Variants in RGS21 observed in about 807,000 individuals in gnomAD.
The protein encoded by RGS21 is regulator of G-protein signalling 21.
A neutral mutation model predicts 18.7 loss-of-function variants in RGS21; 19 were observed. The observed-to-expected ratio is 1.01, with a 90% CI of 0.71 to 1.49. The LOEUF is 1.49. Ranked by LOEUF, RGS21 falls within the 40% of genes most tolerant of loss-of-function variation. The pLI is 0.00. For synonymous variants in RGS21, 56 were observed against 57.8 expected, an observed-to-expected ratio of 0.97 and a Z score of 0.14; for missense variants, 194 against 176.8, an observed-to-expected ratio of 1.10 and a Z score of -0.55.
At chr1:192,341,293 A>G (rs1010799930) in intron 1 of RGS21, among the ~76,000 whole-genome samples, 5 of 151,950 alleles carry the variant, frequency 3.3e-5, no homozygotes, top group Admixed American at 1.3e-4. Flanking sequence ...AAAGTAATAT[A>G]TTTACATGTT....
intron 4 of RGS21, among the ~76,000 whole-genome samples, chr1:192,364,265 G>A (rs1194480013): frequency 6.6e-6 from 1 of 152,020 alleles, no homozygotes; most frequent in Non-Finnish European, 1.5e-5. Flanking sequence ...ACTTTGATGA[G>A]GGACTCAAGA....
At chr1:192,322,792 AG>A (rs1557973013) in intron 1 of RGS21, among the ~76,000 whole-genome samples, 1 of 152,114 alleles carries the variant, frequency 6.6e-6, no homozygotes, top group Non-Finnish European at 1.5e-5. Flanking sequence ...AACTGCAAAA[AG>A]TTTACTCTGT....
At chr1:192,329,307 C>A (rs1002664001) in intron 1 of RGS21, among the ~76,000 whole-genome samples, 10 of 152,034 alleles carry the variant, frequency 6.6e-5, no homozygotes, top group Non-Finnish European at 1.3e-4. Flanking sequence ...ATGTCAGCTT[C>A]ATTATGAGCA....
At chr1:192,347,905 C>A (rs1557979254) in intron 3 of RGS21, among the ~76,000 whole-genome samples, 1 of 151,984 alleles carries the variant, frequency 6.6e-6, no homozygotes, top group Non-Finnish European at 1.5e-5. Flanking sequence ...GGTGATCCAC[C>A]CACCTCAGCA....
At chr1:192,339,942 CAT>C (rs1468035495) in intron 1 of RGS21, among the ~76,000 whole-genome samples, 6 of 151,836 alleles carry the variant, frequency 4.0e-5, no homozygotes, top group Non-Finnish European at 7.4e-5. Context: ...ACAAATAAAA[CAT>C]ATATTTATAT....
chr1:192,365,337 T>C (rs1659239429), intron 4 of RGS21, among the ~76,000 whole-genome samples: 1 of 152,104 alleles, frequency 6.6e-6, no homozygotes, highest in Non-Finnish European at 1.5e-5. Context: ...TAGAACTCGC[T>C]GGAAATGCCT....
At chr1:192,323,508 G>A (rs1571447495) in intron 1 of RGS21, among the ~76,000 whole-genome samples, 1 of 152,042 alleles carries the variant, frequency 6.6e-6, no homozygotes, top group Non-Finnish European at 1.5e-5. Context: ...GAAGAAAATA[G>A]ATAATGGCAA....
intron 4 of RGS21, among the ~76,000 whole-genome samples, chr1:192,356,144 C>T (rs1375407414): frequency 1.3e-5 from 2 of 151,892 alleles, no homozygotes; most frequent in South Asian, 2.1e-4. Flanking sequence ...TACATCTTCA[C>T]GGGTCCGTGC....
intron 4 of RGS21, among the ~76,000 whole-genome samples, chr1:192,357,665 T>A (rs1659129778): frequency 1.3e-5 from 2 of 151,808 alleles, no homozygotes; most frequent in African/African-American, 4.8e-5. Flanking sequence ...TTTCTTCCCC[T>A]AGATCTACCA....
At chr1:192,333,960 C>T (rs1463299873) in intron 1 of RGS21, among the ~76,000 whole-genome samples, 1 of 151,696 alleles carries the variant, frequency 6.6e-6, no homozygotes, top group African/African-American at 2.4e-5. Flanking sequence ...ATAATTATGT[C>T]AAAATAAAAA....
chr1:192,361,686 C>T (rs1440842639), intron 4 of RGS21, among the ~76,000 whole-genome samples: 50 of 152,014 alleles, frequency 3.3e-4, no homozygotes, highest in Admixed American at 3.3e-3. Flanking sequence ...GCTGGGATTA[C>T]AGATACCCAC....
intron 4 of RGS21, among the ~76,000 whole-genome samples, chr1:192,362,800 G>T (rs1380179535): frequency 6.6e-6 from 1 of 152,080 alleles, no homozygotes; most frequent in African/African-American, 2.4e-5. Flanking sequence ...AAATTGAAGA[G>T]TTCTCTCTAA....
intron 4 of RGS21, among the ~76,000 whole-genome samples, chr1:192,359,549 G>A (rs1342969615): frequency 6.6e-6 from 1 of 151,582 alleles, no homozygotes; most frequent in East Asian, 1.9e-4. Context: ...TGAGAGGAGT[G>A]CCAAGTTGGG....
rs558132371 is a variant in RGS21, at chr1:192,352,308, C to A, written c.255+95C>A. ...AATCCATCTAAAAGATAATCAAATT[C>A]TCAGTATGTGTTTAAATAGAAAATG... On this transcript the variant is annotated intron_variant, in intron 4 of 4. Coordinates refer to ENST00000417209, the MANE Select transcript of RGS21 (RefSeq NM_001039152.3). The A allele has an allele frequency of 1.2e-5, 10 of 837,442 alleles. No individual in the cohort carries two copies. In the African/African-American group the frequency reaches 1.4e-4, roughly 12 times the overall value. The allele number at this position is 837,442 out of a possible 1,614,324, so 51.9% of individuals were successfully genotyped here. A position where few individuals can be genotyped will look rare whatever the true frequency, so the allele number is the denominator to read the frequency against.
At chr1:192,364,872 C>A (rs1349053494) in intron 4 of RGS21, among the ~76,000 whole-genome samples, 1 of 151,892 alleles carries the variant, frequency 6.6e-6, no homozygotes, top group Non-Finnish European at 1.5e-5. Context: ...GTGGCTCATC[C>A]CTATAATCCC....
At chr1:192,359,324 T>C (rs551429181) in intron 4 of RGS21, among the ~76,000 whole-genome samples, 1 of 152,138 alleles carries the variant, frequency 6.6e-6, no homozygotes, top group Admixed American at 6.6e-5. Context: ...AGTTCATAGT[T>C]GGAGATGCTC....
chr1:192,327,027 C>G (rs986080747), intron 1 of RGS21, among the ~76,000 whole-genome samples: 4 of 151,990 alleles, frequency 2.6e-5, no homozygotes, highest in Non-Finnish European at 5.9e-5. Flanking sequence ...AATGGTTTTT[C>G]GATGAGTCCT....
At chr1:192,346,867 T>G (rs1309193895) in intron 2 of RGS21, among the ~76,000 whole-genome samples, 1 of 152,154 alleles carries the variant, frequency 6.6e-6, no homozygotes, top group Non-Finnish European at 1.5e-5. Flanking sequence ...CTTAAAACTT[T>G]TTTGAACTCT....
chr1:192,352,791 G>T (rs1478036524), intron 4 of RGS21, among the ~76,000 whole-genome samples: 1 of 151,942 alleles, frequency 6.6e-6, no homozygotes, highest in Non-Finnish European at 1.5e-5. Context: ...GGAGAAACCT[G>T]CAATGACTCT....
Sources: gnomAD v4.1 joint callset for allele counts (sites outside exome capture counted in the v4.1 genomes callset) on GRCh38, gnomAD v4.1.1 for gene constraint, MANE v1.5 for transcripts, NCBI Gene and HGNC (gene_info 2026-07-23, HGNC 2026-07-21) for gene names.